Variants in GPR158 observed in about 807,000 individuals in gnomAD.
The protein encoded by GPR158 is metabotropic glycine receptor.
Under a neutral mutation model 78.2 loss-of-function variants are expected in GPR158, and 30 were observed. That is an observed-to-expected ratio of 0.38 (90% CI 0.29 to 0.52). GPR158 has a LOEUF of 0.52. GPR158 is among the 20% of genes least tolerant of loss of function. The pLI, the probability that GPR158 is intolerant of heterozygous loss-of-function variation, is 0.83. For missense variants in GPR158, 1,463 were observed against 1,523.5 expected, an observed-to-expected ratio of 0.96 and a Z score of 0.66; for synonymous variants, 581 against 591.1, an observed-to-expected ratio of 0.98 and a Z score of 0.25.
intron 1 of GPR158, among the ~76,000 whole-genome samples, chr10:25,184,598 G>A (rs763162043): frequency 8.5e-5 from 13 of 152,094 alleles, no homozygotes; most frequent in Non-Finnish European, 1.9e-4. Flanking sequence ...TTTATTTTCC[G>A]AATAGGTAAA....
intron 2 of GPR158, among the ~76,000 whole-genome samples, chr10:25,278,912 A>G (rs1300574221): frequency 6.6e-6 from 1 of 151,966 alleles, no homozygotes; most frequent in Non-Finnish European, 1.5e-5. Context: ...TATAAGAAAT[A>G]GATAAAATAA....
At chr10:25,178,755 A>G (rs1031521839) in intron 1 of GPR158, among the ~76,000 whole-genome samples, 2 of 152,206 alleles carry the variant, frequency 1.3e-5, no homozygotes, top group African/African-American at 4.8e-5. Context: ...GAGGGTCCAC[A>G]CAGTAGAAAC....
At position 25,357,432 on chromosome 10, in the gene GPR158, A is replaced by T. The variant is rs116005639; in HGVS notation, c.1009-38479A>T. Reference sequence around the variant, plus strand: ...GCAGCCTTTCCCATTACAGGCCCGGAGGCCTAGGAGGAATAAATGGTTCCA... The same window carrying T: ...GCAGCCTTTCCCATTACAGGCCCGGTGGCCTAGGAGGAATAAATGGTTCCA... On this transcript the variant is annotated intron_variant, in intron 2 of 10. Coordinates refer to ENST00000376351, the MANE Select transcript of GPR158 (RefSeq NM_020752.3). 6.9e-3 allele frequency among the ~76,000 whole-genome samples: 1,053 copies of T among 152,242 alleles called. 14 individuals carry two copies. Among genetic ancestry groups the T allele is most frequent in the African/African-American group, 0.025 (1,019 of 41,574 alleles).
chr10:25,208,769 A>C (rs1209973899), intron 1 of GPR158, among the ~76,000 whole-genome samples: 1 of 151,528 alleles, frequency 6.6e-6, no homozygotes, highest in Non-Finnish European at 1.5e-5. Context: ...CTGCAAACCC[A>C]CTAGAGCACA....
chr10:25,241,311 T>TTTCTTTTCTTTTCTTTTCTC (rs1554787218), intron 2 of GPR158, among the ~76,000 whole-genome samples: 1 of 104,596 alleles, frequency 9.6e-6, no homozygotes, highest in Admixed American at 1.0e-4. Flanking sequence ...TTTCTTTTCT[T>TTTCTTTTCTTTTCTTTTCTC]TTCTCTTCTC....
chr10:25,414,596 A>G (rs1834634612), intron 4 of GPR158, among the ~76,000 whole-genome samples: 1 of 152,186 alleles, frequency 6.6e-6, no homozygotes, highest in Non-Finnish European at 1.5e-5. Context: ...AGCAACTGTA[A>G]AAATGATAGA....
chr10:25,510,680 T>C (rs1836073705), intron 5 of GPR158, among the ~76,000 whole-genome samples: 1 of 152,194 alleles, frequency 6.6e-6, no homozygotes. Flanking sequence ...GTACCCAATG[T>C]GTAGTCTTTT....
intron 2 of GPR158, among the ~76,000 whole-genome samples, chr10:25,368,607 A>C (rs1035167022): frequency 9.9e-5 from 15 of 151,860 alleles, no homozygotes; most frequent in Non-Finnish European, 1.9e-4. Context: ...GGTTGCAGAG[A>C]AAAAGGACTG....
chr10:25,514,241 T>C (rs932296973), intron 5 of GPR158, among the ~76,000 whole-genome samples: 1 of 152,148 alleles, frequency 6.6e-6, no homozygotes, highest in Non-Finnish European at 1.5e-5. Context: ...GGACACTTTT[T>C]AAATCATTAT....
At chr10:25,514,141 G>A (rs1034262704) in intron 5 of GPR158, among the ~76,000 whole-genome samples, 3 of 152,058 alleles carry the variant, frequency 2.0e-5, no homozygotes, top group Non-Finnish European at 2.9e-5. Flanking sequence ...GTTGCAGTCT[G>A]TCTCATTTCT....
At chr10:25,223,741 A>G (rs1163912302) in intron 2 of GPR158, among the ~76,000 whole-genome samples, 1 of 152,116 alleles carries the variant, frequency 6.6e-6, no homozygotes, top group Non-Finnish European at 1.5e-5. Flanking sequence ...TAACATCCAC[A>G]TTTGTAGGAT....
At chr10:25,433,827 C>T (rs1834958536) in intron 4 of GPR158, among the ~76,000 whole-genome samples, 1 of 151,072 alleles carries the variant, frequency 6.6e-6, no homozygotes, top group South Asian at 2.1e-4. Context: ...AGCCACTGAA[C>T]CTGACTGGGA....
intron 5 of GPR158, among the ~76,000 whole-genome samples, chr10:25,504,272 G>A (rs1010087307): frequency 5.3e-5 from 8 of 152,128 alleles, no homozygotes; most frequent in African/African-American, 1.9e-4. Context: ...AATATTTGTT[G>A]AATAAATGAG....
intron 2 of GPR158, among the ~76,000 whole-genome samples, chr10:25,309,489 G>A (rs60484583): frequency 0.2 from 30,704 of 151,828 alleles, 5,234 homozygotes; most frequent in African/African-American, 0.47. Flanking sequence ...AAATTTTTCT[G>A]TTATTCCTTT....
intron 5 of GPR158, among the ~76,000 whole-genome samples, chr10:25,528,544 C>G (rs952023606): frequency 1.3e-5 from 2 of 151,886 alleles, no homozygotes; most frequent in Non-Finnish European, 2.9e-5. Flanking sequence ...ACAATAGTAC[C>G]TAAAAGCACT....
intron 5 of GPR158, among the ~76,000 whole-genome samples, chr10:25,495,777 T>C (rs1315923401): frequency 6.6e-6 from 1 of 152,148 alleles, no homozygotes; most frequent in Non-Finnish European, 1.5e-5. Context: ...ATAAAATTAC[T>C]AGTACCCATT....
intron 2 of GPR158, among the ~76,000 whole-genome samples, chr10:25,326,988 C>T (rs1231359563): frequency 2.0e-5 from 3 of 151,988 alleles, no homozygotes; most frequent in African/African-American, 7.3e-5. Context: ...GTTAAAAATG[C>T]CGTGTAAGCC....
intron 1 of GPR158, among the ~76,000 whole-genome samples, chr10:25,217,326 A>G (rs1235293537): frequency 6.6e-6 from 1 of 152,102 alleles, no homozygotes; most frequent in African/African-American, 2.4e-5. Flanking sequence ...GTGTATAGCG[A>G]AGTTACTGGT....
intron 6 of GPR158, among the ~76,000 whole-genome samples, chr10:25,561,089 C>A (rs1376476440): frequency 6.6e-6 from 1 of 152,032 alleles, no homozygotes; most frequent in Non-Finnish European, 1.5e-5. Flanking sequence ...ATCTACAAAA[C>A]CATGCAATTT....
Sources: gnomAD v4.1 joint callset for allele counts (sites outside exome capture counted in the v4.1 genomes callset) on GRCh38, gnomAD v4.1.1 for gene constraint, MANE v1.5 for transcripts, NCBI Gene and HGNC (gene_info 2026-07-23, HGNC 2026-07-21) for gene names.